Variants in ZFHX3 observed in about 807,000 individuals in gnomAD.
ZFHX3 encodes the protein zinc finger homeobox protein 3.
Under a neutral mutation model 279.1 loss-of-function variants are expected in ZFHX3, and 42 were observed. That is an observed-to-expected ratio of 0.15 (90% CI 0.12 to 0.19). ZFHX3 has a LOEUF of 0.19. Among genes scored for constraint, ZFHX3 ranks in the 10% least tolerant of loss-of-function variants. The pLI, the probability that ZFHX3 is intolerant of heterozygous loss-of-function variation, is 1.00. For missense variants in ZFHX3, 4,981 were observed against 4,754.0 expected (o/e 1.05, Z -1.40); for synonymous variants, 2,293 against 1,957.8 (o/e 1.17, Z -4.52).
At chr16:73,547,278 A>C in intron 2 of ZFHX3, among the ~76,000 whole-genome samples, 1 of 152,148 alleles carries the variant, frequency 6.6e-6, no homozygotes, top group East Asian at 1.9e-4. Context: ...CTTTAAATTA[A>C]ATATAAAGGG....
At chr16:73,668,567 G>A (rs975181174) in intron 2 of ZFHX3, among the ~76,000 whole-genome samples, 1 of 150,968 alleles carries the variant, frequency 6.6e-6, no homozygotes. Flanking sequence ...TTGGTTTTCT[G>A]TTCTTGTGTT....
chr16:73,718,400 G>C (rs1395678560), intron 1 of ZFHX3, among the ~76,000 whole-genome samples: 6 of 151,970 alleles, frequency 3.9e-5, no homozygotes, highest in Non-Finnish European at 8.8e-5. Flanking sequence ...GAAAGAGCGA[G>C]ACTCTGTCTC....
chr16:73,405,059 TG>T (rs773804068), intron 3 of ZFHX3, among the ~76,000 whole-genome samples: 1 of 152,174 alleles, frequency 6.6e-6, no homozygotes, highest in Non-Finnish European at 1.5e-5. Flanking sequence ...TGATGGGACC[TG>T]GGGCTGTTGC....
rs142791466 is a variant in ZFHX3 at position 73,216,582 on chromosome 16, G to T, written c.-1104+40465C>A. ...CTGAATTTACTTAGCAATGATTACAGCCTGCCTGATTTTGATAGGAAACAC... is the reference window on the plus strand; with the variant it reads ...CTGAATTTACTTAGCAATGATTACATCCTGCCTGATTTTGATAGGAAACAC... On this transcript the variant is annotated intron_variant, in intron 5 of 17. Transcript: ENST00000641206. Among the ~76,000 whole-genome samples the T allele has an allele frequency of 9.7e-4, 147 of 152,206 alleles. 1 individual carries two copies. The highest frequency in any genetic ancestry group is 3.3e-3 in the African/African-American group (138 of 41,524).
chr16:73,474,398 C>T (rs978020867), intron 2 of ZFHX3, among the ~76,000 whole-genome samples: 3 of 152,206 alleles, frequency 2.0e-5, no homozygotes, highest in African/African-American at 7.2e-5. Flanking sequence ...ATCCACCCAC[C>T]TTGGCCTCCC....
chr16:73,407,062 G>C (rs140420409), intron 3 of ZFHX3, among the ~76,000 whole-genome samples: 60 of 152,232 alleles, frequency 3.9e-4, no homozygotes, highest in African/African-American at 1.3e-3. Flanking sequence ...CCTGCAGGGC[G>C]TATTTGGCAA....
chr16:73,351,687 T>G (rs1011276799), intron 3 of ZFHX3, among the ~76,000 whole-genome samples: 1 of 152,256 alleles, frequency 6.6e-6, no homozygotes, highest in African/African-American at 2.4e-5. Context: ...AGGAATCAAA[T>G]GGAATCCTTT....
At chr16:73,236,606 A>T (rs2012957630) in intron 5 of ZFHX3, among the ~76,000 whole-genome samples, 1 of 152,182 alleles carries the variant, frequency 6.6e-6, no homozygotes. Flanking sequence ...TTAAAAAAAA[A>T]ATAAGTAGTG....
chr16:73,258,189 T>C lies in ZFHX3; in HGVS notation c.-1193-1053A>G, dbSNP rs529062089. On this transcript the variant is annotated intron_variant, in intron 4 of 17. Coordinates refer to the ZFHX3 transcript ENST00000641206. The stretch of plus-strand genomic sequence containing the variant: ...CCAGCTTTTCAAACAAGCATTCTTA[T>C]TTCTATTCAAAACATGGTGAAACTA... 2.6e-5 allele frequency among the ~76,000 whole-genome samples: 4 copies of C among 152,268 alleles called. No homozygotes were observed. The South Asian group carries it at 8.3e-4, about 32-fold the overall frequency.
chr16:73,434,999 C>T (rs957315841), intron 3 of ZFHX3, among the ~76,000 whole-genome samples: 1 of 152,062 alleles, frequency 6.6e-6, no homozygotes, highest in Admixed American at 6.6e-5. Context: ...AAATAGGACT[C>T]AATACATGTT....
At chr16:73,602,311 A>T (rs1195838717) in intron 2 of ZFHX3, among the ~76,000 whole-genome samples, 1 of 152,178 alleles carries the variant, frequency 6.6e-6, no homozygotes, top group East Asian at 1.9e-4. Flanking sequence ...TCCTAGAGAT[A>T]AATGTATATC....
chr16:73,374,259 T>C (rs1466422101), intron 3 of ZFHX3, among the ~76,000 whole-genome samples: 1 of 152,252 alleles, frequency 6.6e-6, no homozygotes, highest in East Asian at 1.9e-4. Context: ...TATGAAATTA[T>C]ATAAATTATG....
rs747060827 is a variant in ZFHX3, at chr16:72,794,035, T to C, written c.8647A>G (p.Met2883Val). Residue 2883 changes from methionine (M) to valine (V), a missense_variant, in exon 9 of 10, where the codon ATG becomes GTG. Coordinates refer to ENST00000268489, the MANE Select transcript of ZFHX3 (RefSeq NM_006885.4). The surrounding 1 kb of genome is among the most constrained non-coding windows in gnomAD (Gnocchi z 4.2). The stretch of plus-strand genomic sequence containing the variant: ...GACAACCGATCTTCATACTCAGACA[T>C]TGCCATCATGGCCGCTTTGGTCAAC... The part of the protein sequence containing the change: ...EGLTKAAMMA[M>V]SEYEDRLSSG... 3.0e-5 allele frequency: 48 copies of C among 1,614,100 alleles called. No homozygotes were observed. The highest frequency in any genetic ancestry group is 4.5e-5 in the East Asian group (2 of 44,898).
chr16:72,915,837 G>A (rs993863634), intron 3 of ZFHX3, among the ~76,000 whole-genome samples: 10 of 152,082 alleles, frequency 6.6e-5, no homozygotes, highest in Non-Finnish European at 1.0e-4. Flanking sequence ...GCAGAAAAGT[G>A]TTATTAATAA....
chr16:73,604,670 G>A (rs143053330), intron 2 of ZFHX3, among the ~76,000 whole-genome samples: 3 of 151,964 alleles, frequency 2.0e-5, no homozygotes, highest in East Asian at 3.9e-4. Flanking sequence ...GCTTCACCCC[G>A]GGAGGCGGAG....
intron 3 of ZFHX3, among the ~76,000 whole-genome samples, chr16:73,333,434 G>A (rs1183756587): frequency 2.0e-5 from 3 of 151,938 alleles, no homozygotes; most frequent in African/African-American, 7.3e-5. Flanking sequence ...ACATAAATAG[G>A]TAGATACACA....
intron 1 of ZFHX3, among the ~76,000 whole-genome samples, chr16:73,715,069 ATC>A (rs1383385752): frequency 1.3e-5 from 2 of 152,164 alleles, no homozygotes; most frequent in Non-Finnish European, 2.9e-5. Flanking sequence ...AGCATATAGC[ATC>A]TGCTCCCAAT....
At chr16:73,454,896 A>G (rs1279395575) in intron 3 of ZFHX3, among the ~76,000 whole-genome samples, 3 of 150,660 alleles carry the variant, frequency 2.0e-5, no homozygotes, top group Non-Finnish European at 4.4e-5. Context: ...ATTCAAGTAT[A>G]AGACAGTTAA....
At chr16:73,451,518 T>G (rs940551863) in intron 3 of ZFHX3, among the ~76,000 whole-genome samples, 2 of 152,204 alleles carry the variant, frequency 1.3e-5, no homozygotes, top group African/African-American at 2.4e-5. Flanking sequence ...TTATTTCTAA[T>G]TACCAGATGA....
Sources: allele counts gnomAD v4.1 joint callset (sites outside exome capture counted in the v4.1 genomes callset), GRCh38; gene constraint gnomAD v4.1.1; non-coding constraint Gnocchi (gnomAD v3.1); transcripts MANE v1.5; gene names NCBI Gene and HGNC (gene_info 2026-07-23, HGNC 2026-07-21).